Variants in FAM98C observed in about 807,000 individuals in gnomAD.
FAM98C encodes protein FAM98C.
Under a neutral mutation model 41.1 loss-of-function variants are expected in FAM98C, and 38 were observed. The observed-to-expected ratio is 0.92, with a 90% CI of 0.71 to 1.21. The LOEUF (loss-of-function observed/expected upper bound fraction) is 1.21. Among genes scored for constraint, FAM98C ranks in the 50% most tolerant of loss-of-function variants. FAM98C has a pLI of 0.00. For synonymous variants in FAM98C, 195 were observed against 216.7 expected (o/e 0.90, Z 0.88); for missense variants, 493 against 484.7 (o/e 1.02, Z -0.16).
chr19:38,407,324 G>A, intron 7 of FAM98C: 1 of 482,200 alleles, frequency 2.1e-6, no homozygotes. Flanking sequence ...CTCCAGCTTG[G>A]GCTTAAAATC....
chr19:38,405,858 C>CGTTTTTTTT (rs768707631), intron 6 of FAM98C: 11 of 482,858 alleles, frequency 2.3e-5, no homozygotes, highest in African/African-American at 1.6e-4. Context: ...CATACCCCAT[C>CGTTTTTTTT]ATTTTTTTTT....
chr19:38,407,635 C>G (rs1971063350), intron 7 of FAM98C: 1 of 151,420 alleles, frequency 6.6e-6, no homozygotes, highest in South Asian at 2.1e-4. Flanking sequence ...TCCTAAAGTG[C>G]TGGGATTACA....
At chr19:38,407,156 T>G in intron 7 of FAM98C, 79 bp downstream of exon 7, 1 of 1,535,108 alleles carries the variant, frequency 6.5e-7, no homozygotes, top group Admixed American at 1.7e-5. Flanking sequence ...CAGTCCAAGT[T>G]TCAGACTTAC....
rs755408596 is a variant in FAM98C, at chr19:38,404,993, A to AG, written c.439dup (p.Val147GlyfsTer39). ...CGAGTCCTAGGCCACCCCTTGGTGA[A>AG]GGGGTAGTGGAGGGAGCCGGCATGG... On this transcript the variant is annotated frameshift_variant, in exon 4 of 8. Coordinates refer to ENST00000252530, the MANE Select transcript of FAM98C (RefSeq NM_174905.4). LOFTEE classifies it high-confidence loss of function. The AG allele has an allele frequency of 1.2e-6, 2 of 1,614,142 alleles. No individual in the cohort carries two copies. The highest frequency in any genetic ancestry group is 4.5e-5 in the East Asian group (2 of 44,876).
chr19:38,403,335 C>T lies in FAM98C; in HGVS notation c.66-3C>T. On this transcript the variant is annotated splice_region_variant and splice_polypyrimidine_tract_variant and intron_variant, in intron 1 of 7. Transcript: ENST00000252530. ...CCCCCTCCCGCTGCCTCGGTCCCCA[C>T]AGGTATGGAGGTGTCCCGGGGGCGG... is the stretch of plus-strand genomic sequence containing the variant. 1 of 1,497,826 alleles carries T rather than the reference C, an allele frequency of 6.7e-7. No individual in the cohort carries two copies. Among genetic ancestry groups the T allele is most frequent in the Non-Finnish European group, 8.8e-7 (1 of 1,137,416 alleles). The allele number at this position is 1,497,826 out of a possible 1,614,324, so 92.8% of individuals were successfully genotyped here.
rs1426692522 is a variant in FAM98C at position 38,408,779 on chromosome 19, G to A, written c.947G>A (p.Gly316Glu). The A allele has an allele frequency of 7.4e-6, 12 of 1,613,956 alleles. No individual in the cohort carries two copies. Among genetic ancestry groups the A allele is most frequent in the Non-Finnish European group, 9.3e-6 (11 of 1,179,956 alleles). ...CTTATGGGCAACGTTCCAGACCGGG[G>A]GGGCCGCCCAAATGAGCTGGAGCCT... ...KVLMGNVPDR[G>E]GRPNELEPPM... The change falls in exon 8 of 8, where the codon GGG becomes GAG. Residue 316 changes from glycine (G) to glutamate (E), a missense_variant. Gly to Glu is a moderately conservative substitution (Grantham distance 98). Transcript: ENST00000252530.
Position 38,403,677 on chromosome 19 carries a change from C to T in FAM98C, c.332C>T (p.Ala111Val), listed in dbSNP as rs1183741829. The change falls in exon 3 of 8, where the codon GCC (alanine) becomes GTC (valine). Residue 111 changes from alanine (A) to valine (V), a missense_variant. Transcript: ENST00000252530. ...GCGGCTGCGCTTCGGGAACCCGGTGCCGGACTGCGCCTGCTGCGTGAGTCC... is the reference window on the plus strand; with the variant it reads ...GCGGCTGCGCTTCGGGAACCCGGTGTCGGACTGCGCCTGCTGCGTGAGTCC... ...DGAAALREPGAGLRLLRFLCS... is the reference protein window; with the variant it reads ...DGAAALREPGVGLRLLRFLCS... 1.4e-6 allele frequency: 2 copies of T among 1,412,546 alleles called. No individual in the cohort carries two copies. The highest frequency in any genetic ancestry group is 1.8e-6 in the Non-Finnish European group (2 of 1,093,160). The allele number at this position is 1,412,546 out of a possible 1,614,324, so 87.5% of individuals were successfully genotyped here.
chr19:38,403,740 G>A (rs2145173239), intron 3 of FAM98C, 46 bp downstream of exon 3: 3 of 1,367,390 alleles, frequency 2.2e-6, no homozygotes, highest in Non-Finnish European at 2.8e-6. Flanking sequence ...CCTCCGGAGC[G>A]GCGGGCTCTG....
At chr19:38,404,144 G>C (rs921578343) in intron 3 of FAM98C, among the ~76,000 whole-genome samples, 1 of 152,002 alleles carries the variant, frequency 6.6e-6, no homozygotes, top group Non-Finnish European at 1.5e-5. Flanking sequence ...TGTCCACCTC[G>C]GCCTCCCAAA....
chr19:38,407,178 C>A, intron 7 of FAM98C, 101 bp downstream of exon 7: 2 of 1,385,276 alleles, frequency 1.4e-6, no homozygotes, highest in South Asian at 1.3e-5. Context: ...ACCTCTAATC[C>A]ACCCACTAGA....
chr19:38,407,232 G>A, intron 7 of FAM98C, 155 bp downstream of exon 7: 1 of 793,018 alleles, frequency 1.3e-6, no homozygotes, highest in East Asian at 2.7e-5. Flanking sequence ...ACTGACTGTG[G>A]ACTCCCCAGC....
At position 38,407,018 on chromosome 19, in the gene FAM98C, T is replaced by C. The variant is rs201902099; in HGVS notation, c.859T>C (p.Cys287Arg). The C allele has an allele frequency of 5.4e-5, 87 of 1,614,204 alleles. No homozygotes were observed. The African/African-American group carries it at 1.1e-3, about 20-fold the overall frequency. ...HVLAARADLSCLVPATSVAVR... is the reference protein window; with the variant it reads ...HVLAARADLSRLVPATSVAVR... ...TCTGGCTGCCCGAGCCGACCTGTCT[T>C]GTCTCGTCCCAGCCACCAGCGTGGC... is the stretch of plus-strand genomic sequence containing the variant. The change falls in exon 7 of 8, where the codon TGT (cysteine) becomes CGT (arginine). Residue 287 changes from cysteine to arginine, a missense_variant. Coordinates refer to ENST00000252530, the MANE Select transcript of FAM98C (RefSeq NM_174905.4).
chr19:38,405,858 CA>C, intron 6 of FAM98C: 17 of 482,604 alleles, frequency 3.5e-5, no homozygotes, highest in East Asian at 7.0e-5. Flanking sequence ...CATACCCCAT[CA>C]TTTTTTTTTT....
At position 38,405,366 on chromosome 19, in the gene FAM98C, T is replaced by C; in HGVS notation, c.578T>C (p.Leu193Pro). 6.2e-7 allele frequency: 1 copy of C among 1,614,074 alleles called. No individual in the cohort carries two copies. The highest frequency in any genetic ancestry group is 8.5e-7 in the Non-Finnish European group (1 of 1,179,992). The change falls in exon 5 of 8, where the codon CTG (leucine) becomes CCG (proline). Residue 193 changes from leucine to proline, a missense_variant. Transcript: ENST00000252530. ...CAGATCTCAGAGCTGCAGCCTTCTC[T>C]GCCCCCAGGGTCCCTGCAGCCCCTC... The part of the protein sequence containing the change: ...HAKISELQPS[L>P]PPGSLQPLLS...
chr19:38,406,725 C>T (rs558426270), intron 6 of FAM98C, 185 bp from the exon 7 acceptor site: 29 of 589,630 alleles, frequency 4.9e-5, no homozygotes, highest in African/African-American at 4.6e-4. Flanking sequence ...ATTGAGGCTG[C>T]AGTGAGCCAC....
chr19:38,405,212 G>A, intron 4 of FAM98C, 99 bp downstream of exon 4: 1 of 1,510,334 alleles, frequency 6.6e-7, no homozygotes, highest in South Asian at 1.2e-5. Context: ...CCAACCACTG[G>A]CCTGTTTTTT....
intron 6 of FAM98C, 75 bp from the exon 7 acceptor site, chr19:38,406,835 T>C: frequency 1.3e-6 from 2 of 1,486,796 alleles, no homozygotes; most frequent in Non-Finnish European, 1.9e-6. Flanking sequence ...AATGGTAAAG[T>C]AATGCTTCCA....
At position 38,403,667 on chromosome 19, in the gene FAM98C, G is replaced by A. The variant is rs150024474; in HGVS notation, c.322G>A (p.Glu108Lys). 45,888 of 1,415,012 alleles carry A rather than the reference G, an allele frequency of 0.032. 807 individuals carry two copies. The highest frequency in any genetic ancestry group is 0.051 in the African/African-American group (3,413 of 66,796). The allele number at this position is 1,415,012 out of a possible 1,614,324, so 87.7% of individuals were successfully genotyped here. A position where few individuals can be genotyped will look rare whatever the true frequency, so the allele number is the denominator to read the frequency against. Residue 108 changes from glutamate to lysine, a missense_variant, in exon 3 of 8, where the codon GAA (glutamate) becomes AAA (lysine). By Grantham distance (56) the Glu-to-Lys change is moderately conservative (BLOSUM62 1). Coordinates refer to ENST00000252530, the MANE Select transcript of FAM98C (RefSeq NM_174905.4). ...CGGDGAAALR[E>K]PGAGLRLLRF... Reference sequence around the variant, plus strand: ...CGGGGATGGCGCGGCTGCGCTTCGGGAACCCGGTGCCGGACTGCGCCTGCT... The same window carrying A: ...CGGGGATGGCGCGGCTGCGCTTCGGAAACCCGGTGCCGGACTGCGCCTGCT...
In FAM98C at chr19:38,405,369, C is replaced by A. The variant is rs1446380692; in HGVS notation, c.581C>A (p.Pro194His). ...AKISELQPSL[P>H]PGSLQPLLSC... is the part of the protein sequence containing the mutation. ...ATCTCAGAGCTGCAGCCTTCTCTGC[C>A]CCCAGGGTCCCTGCAGCCCCTCCTC... The change falls in exon 5 of 8, where the codon CCC becomes CAC. Residue 194 changes from proline (P) to histidine (H), a missense_variant. Pro to His is a moderately conservative substitution (Grantham distance 77). Coordinates refer to ENST00000252530, the MANE Select transcript of FAM98C (RefSeq NM_174905.4). 6.2e-7 allele frequency: 1 copy of A among 1,614,004 alleles called. No individual in the cohort carries two copies. Among genetic ancestry groups the A allele is most frequent in the Non-Finnish European group, 8.5e-7 (1 of 1,180,012 alleles).
Sources: allele counts gnomAD v4.1 joint callset (sites outside exome capture counted in the v4.1 genomes callset), GRCh38; gene constraint gnomAD v4.1.1; transcripts MANE v1.5; gene names NCBI Gene and HGNC (gene_info 2026-07-23, HGNC 2026-07-21).